ARHGAP42: variants seen among roughly 807,000 people sequenced by gnomAD.
ARHGAP42 encodes the protein rho GTPase-activating protein 42.
In ARHGAP42, 63 loss-of-function variants were observed where a neutral mutation model predicts 125.0. That is an observed-to-expected ratio of 0.50 (90% CI 0.41 to 0.62). The LOEUF is 0.62. Among genes scored for constraint, ARHGAP42 ranks in the 20% least tolerant of loss-of-function variants. The pLI, the probability that ARHGAP42 is intolerant of heterozygous loss-of-function variation, is 0.00. For missense variants in ARHGAP42, 766 were observed against 1,024.2 expected, an observed-to-expected ratio of 0.75 and a Z score of 3.44; for synonymous variants, 339 against 351.0, an observed-to-expected ratio of 0.97 and a Z score of 0.38.
At chr11:100,901,400 C>G (rs767987703) in intron 4 of ARHGAP42, among the ~76,000 whole-genome samples, 18 of 152,214 alleles carry the variant, frequency 1.2e-4, no homozygotes, top group Non-Finnish European at 2.5e-4. Flanking sequence ...TCTGTCTGTT[C>G]TCAGAGCTCA....
chr11:100,979,274 A>G (rs544914156), intron 22 of ARHGAP42, among the ~76,000 whole-genome samples: 31 of 152,324 alleles, frequency 2.0e-4, no homozygotes, highest in African/African-American at 7.2e-4. Context: ...AAGGGCTCTA[A>G]ACAAACACAT....
chr11:100,704,979 G>A (rs1168988445), intron 1 of ARHGAP42, among the ~76,000 whole-genome samples: 1 of 137,944 alleles, frequency 7.2e-6, no homozygotes, highest in East Asian at 2.1e-4. Context: ...GCCTGAGTGA[G>A]CCTGGGTGAG....
chr11:100,807,855 T>TTAAAAAA (rs1309501330), intron 3 of ARHGAP42, among the ~76,000 whole-genome samples: 2 of 152,256 alleles, frequency 1.3e-5, no homozygotes, highest in Admixed American at 1.3e-4. Context: ...GGAAATACAT[T>TTAAAAAA]TACTCTCTGC....
intron 3 of ARHGAP42, among the ~76,000 whole-genome samples, chr11:100,851,129 A>G (rs1213374859): frequency 6.6e-6 from 1 of 151,628 alleles, no homozygotes; most frequent in East Asian, 1.9e-4. Context: ...TGATCCACCC[A>G]CCTCGGCCTC....
At chr11:100,936,843 A>C (rs1867751107) in intron 8 of ARHGAP42, among the ~76,000 whole-genome samples, 1 of 152,206 alleles carries the variant, frequency 6.6e-6, no homozygotes, top group African/African-American at 2.4e-5. Flanking sequence ...CACACTAAGG[A>C]CATTTTTCTC....
At chr11:100,914,089 C>G (rs1439812078) in intron 5 of ARHGAP42, among the ~76,000 whole-genome samples, 1 of 152,022 alleles carries the variant, frequency 6.6e-6, no homozygotes, top group Non-Finnish European at 1.5e-5. Context: ...CATGTGCCAC[C>G]AAGCCCAGCT....
At chr11:100,924,765 G>A (rs1300223306) in intron 6 of ARHGAP42, among the ~76,000 whole-genome samples, 2 of 152,014 alleles carry the variant, frequency 1.3e-5, no homozygotes, top group African/African-American at 4.8e-5. Context: ...GGACATTCAT[G>A]TATTATTTAT....
At chr11:100,902,409 G>T (rs1183877276) in intron 4 of ARHGAP42, among the ~76,000 whole-genome samples, 1 of 152,012 alleles carries the variant, frequency 6.6e-6, no homozygotes, top group African/African-American at 2.4e-5. Flanking sequence ...AATCCTTATT[G>T]ATAGGAAAAT....
chr11:100,717,643 A>AT (rs1861687540), intron 1 of ARHGAP42, among the ~76,000 whole-genome samples: 1 of 150,316 alleles, frequency 6.7e-6, no homozygotes, highest in African/African-American at 2.5e-5. Flanking sequence ...TCTCAAAAAA[A>AT]AAAAAAAAAA....
At position 100,764,072 on chromosome 11, in the gene ARHGAP42, C is replaced by T. The variant is rs1203726079; in HGVS notation, c.155-6271C>T. On this transcript the variant is annotated intron_variant, in intron 1 of 23. Transcript: ENST00000298815. ...AAGTCTCACTCTGTTACCCAGGCTA[C>T]AGTATAATGGTATGATCACAGCACA... 4.1e-5 allele frequency among the ~76,000 whole-genome samples: 6 copies of T among 145,010 alleles called. No homozygotes were observed. In the East Asian group the frequency reaches 1.3e-3, roughly 31 times the overall value.
chr11:100,779,468 AT>A (rs1413924429), intron 2 of ARHGAP42, among the ~76,000 whole-genome samples: 1,115 of 66,912 alleles, frequency 0.017, 24 homozygotes, highest in African/African-American at 0.038. Context: ...AAAAAAAAAA[AT>A]ATATATATAT....
intron 9 of ARHGAP42, among the ~76,000 whole-genome samples, chr11:100,943,514 G>A (rs1261416401): frequency 4.6e-5 from 7 of 152,038 alleles, no homozygotes; most frequent in Admixed American, 1.3e-4. Context: ...ATATGTTGAA[G>A]GTTACTGGAC....
At chr11:100,920,141 T>A (rs647256) in intron 5 of ARHGAP42, among the ~76,000 whole-genome samples, 109,819 of 152,060 alleles carry the variant, frequency 0.72, 39,816 homozygotes, top group South Asian at 0.8. Flanking sequence ...AAGTTTTGGG[T>A]TCAAATCTCC....
chr11:100,785,871 A>AT (rs1488150892), intron 2 of ARHGAP42, among the ~76,000 whole-genome samples: 1 of 152,060 alleles, frequency 6.6e-6, no homozygotes, highest in Non-Finnish European at 1.5e-5. Context: ...CTACTTTTTA[A>AT]TTTTTTCCCT....
chr11:100,737,428 C>T (rs558777736), intron 1 of ARHGAP42, among the ~76,000 whole-genome samples: 27 of 152,100 alleles, frequency 1.8e-4, no homozygotes, highest in Non-Finnish European at 3.4e-4. Context: ...TTTTATGTTT[C>T]GTTGTTGTTG....
chr11:100,703,616 T>A (rs1861432525), intron 1 of ARHGAP42, among the ~76,000 whole-genome samples: 1 of 152,230 alleles, frequency 6.6e-6, no homozygotes, highest in South Asian at 2.1e-4. Flanking sequence ...TAGTTTTGAT[T>A]TGCCTTTTAA....
intron 1 of ARHGAP42, among the ~76,000 whole-genome samples, chr11:100,695,054 C>T (rs1027290010): frequency 2.0e-5 from 3 of 152,112 alleles, no homozygotes; most frequent in Non-Finnish European, 4.4e-5. Flanking sequence ...ATAATAAAAA[C>T]ACTTGCTGAG....
chr11:100,703,137 G>T (rs988389232), intron 1 of ARHGAP42, among the ~76,000 whole-genome samples: 1 of 152,156 alleles, frequency 6.6e-6, no homozygotes, highest in Non-Finnish European at 1.5e-5. Context: ...ATTACTTTCA[G>T]CAGGTTTTAC....
intron 4 of ARHGAP42, among the ~76,000 whole-genome samples, chr11:100,864,277 C>T (rs1488204678): frequency 4.6e-5 from 7 of 152,064 alleles, no homozygotes; most frequent in South Asian, 4.2e-4. Context: ...CTCCACCTCC[C>T]GGCTTCATGT....
Sources: allele counts gnomAD v4.1 joint callset (sites outside exome capture counted in the v4.1 genomes callset), GRCh38; gene constraint gnomAD v4.1.1; transcripts MANE v1.5; gene names NCBI Gene and HGNC (gene_info 2026-07-23, HGNC 2026-07-21).